The following SYT2 variants were observed in gnomAD, a reference collection of about 807,000 sequenced individuals.
SYT2 encodes the protein synaptotagmin-2.
A neutral mutation model predicts 39.9 loss-of-function variants in SYT2; 15 were observed. That is an observed-to-expected ratio of 0.38 (90% CI 0.25 to 0.58). The LOEUF (loss-of-function observed/expected upper bound fraction) is 0.58. Ranked by LOEUF, SYT2 falls within the 20% of genes least tolerant of loss-of-function variation. SYT2 has a pLI of 0.70. For missense variants in SYT2, 389 were observed against 530.3 expected (o/e 0.73, Z 2.62); for synonymous variants, 181 against 204.5 (o/e 0.89, Z 0.98).
chr1:202,667,726 A>G (rs1465509275), intron 1 of SYT2, among the ~76,000 whole-genome samples: 2 of 151,374 alleles, frequency 1.3e-5, no homozygotes, highest in Non-Finnish European at 2.9e-5. Flanking sequence ...TTATTTATTT[A>G]TTTTGAGATG....
chr1:202,696,776 A>G (rs920899947), intron 1 of SYT2, among the ~76,000 whole-genome samples: 3 of 152,248 alleles, frequency 2.0e-5, no homozygotes, highest in African/African-American at 7.2e-5. Context: ...TAGACGTAAT[A>G]TCATGAATTT....
chr1:202,639,862 T>C, intron 1 of SYT2: 5 of 982,976 alleles, frequency 5.1e-6, no homozygotes, highest in Non-Finnish European at 6.0e-6. Context: ...TGGTGACAAC[T>C]GCAGGACTGT....
chr1:202,612,842 C>T (rs1038352035), intron 1 of SYT2, among the ~76,000 whole-genome samples: 1 of 152,130 alleles, frequency 6.6e-6, no homozygotes, highest in Non-Finnish European at 1.5e-5. Flanking sequence ...CACTATTTTC[C>T]CACTTATTTA....
intron 1 of SYT2, among the ~76,000 whole-genome samples, chr1:202,629,015 A>T (rs1402093938): frequency 6.6e-6 from 1 of 152,206 alleles, no homozygotes; most frequent in African/African-American, 2.4e-5. Flanking sequence ...AAAGCATGGT[A>T]TTATGGCCAT....
At chr1:202,611,160 A>C (rs183014600) in intron 1 of SYT2, among the ~76,000 whole-genome samples, 154 of 152,316 alleles carry the variant, frequency 1.0e-3, no homozygotes, top group Middle Eastern at 3.4e-3. Context: ...TCATGTGCTT[A>C]TGGGCCATTT....
At chr1:202,663,044 C>T (rs1692413641) in intron 1 of SYT2, among the ~76,000 whole-genome samples, 1 of 152,168 alleles carries the variant, frequency 6.6e-6, no homozygotes, top group Non-Finnish European at 1.5e-5. Flanking sequence ...CTTAATCTCT[C>T]TCGGCATCAT....
At chr1:202,644,051 G>T (rs1218690313) in intron 1 of SYT2, among the ~76,000 whole-genome samples, 1 of 152,212 alleles carries the variant, frequency 6.6e-6, no homozygotes, top group African/African-American at 2.4e-5. Context: ...AAGAGAGATG[G>T]AACAAAAGGC....
rs1295070908 is a variant in SYT2, at chr1:202,593,525, T to TA, written c.*3231dup. The TA allele has an allele frequency of 6.6e-6, 1 of 152,206 alleles. No homozygotes were observed. Among genetic ancestry groups the TA allele is most frequent in the Non-Finnish European group, 1.5e-5 (1 of 68,040 alleles). The allele number at this position is 152,206 out of a possible 1,614,324, so 9.4% of individuals were successfully genotyped here. On this transcript the variant is annotated 3_prime_UTR_variant, in exon 9 of 9. Coordinates refer to ENST00000367268, the MANE Select transcript of SYT2 (RefSeq NM_177402.5). ...AAGATCAGGATCTGAGACTGTGGCC[T>TA]AATCCCTGCTATCTCATCCTCTACT...
At chr1:202,648,765 G>A (rs922475936) in intron 1 of SYT2, among the ~76,000 whole-genome samples, 1 of 152,180 alleles carries the variant, frequency 6.6e-6, no homozygotes, top group Non-Finnish European at 1.5e-5. Flanking sequence ...GAGGTTTTTG[G>A]CAGTTGTTGA....
chr1:202,598,962 T>C (rs551945838), intron 8 of SYT2, among the ~76,000 whole-genome samples: 1 of 152,196 alleles, frequency 6.6e-6, no homozygotes, highest in Non-Finnish European at 1.5e-5. Flanking sequence ...TCTGTGTGCA[T>C]GACCATGGTC....
chr1:202,609,246 G>A (rs374077452), intron 1 of SYT2, among the ~76,000 whole-genome samples: 1 of 151,872 alleles, frequency 6.6e-6, no homozygotes, highest in Non-Finnish European at 1.5e-5. Context: ...CATGGTGTAT[G>A]TGTGCCACAT....
chr1:202,608,258 G>A (rs805958), intron 1 of SYT2, among the ~76,000 whole-genome samples: 126,397 of 151,672 alleles, frequency 0.83, 52,855 homozygotes, highest in South Asian at 0.92. Context: ...TTGCCACATA[G>A]TATTCCATTG....
At chr1:202,621,721 C>G (rs567867707) in intron 1 of SYT2, among the ~76,000 whole-genome samples, 6 of 152,306 alleles carry the variant, frequency 3.9e-5, no homozygotes, top group East Asian at 1.9e-4. Flanking sequence ...ACCTGCCCCC[C>G]TCACCCTCAG....
chr1:202,602,321 T>A (rs1374817998), intron 5 of SYT2, 57 bp downstream of exon 5: 35 of 1,550,742 alleles, frequency 2.3e-5, no homozygotes, highest in Non-Finnish European at 3.1e-5. Flanking sequence ...TCTGTAGAAC[T>A]CAGCAGAGAA....
chr1:202,649,220 A>G (rs1692145544), intron 1 of SYT2, among the ~76,000 whole-genome samples: 1 of 152,256 alleles, frequency 6.6e-6, no homozygotes, highest in Non-Finnish European at 1.5e-5. Flanking sequence ...ACCAGCATCA[A>G]GTGGCAGCCC....
chr1:202,641,953 C>T (rs1292693245), intron 1 of SYT2, among the ~76,000 whole-genome samples: 1 of 152,070 alleles, frequency 6.6e-6, no homozygotes, highest in Non-Finnish European at 1.5e-5. Context: ...GGTGTCACAG[C>T]CCTGCTACTT....
At chr1:202,675,757 A>G (rs1653353703) in intron 1 of SYT2, among the ~76,000 whole-genome samples, 1 of 152,194 alleles carries the variant, frequency 6.6e-6, no homozygotes, top group Non-Finnish European at 1.5e-5. Context: ...CCAAGCAGCC[A>G]GGCTAATAAT....
intron 1 of SYT2, among the ~76,000 whole-genome samples, chr1:202,670,015 C>A (rs536082829): frequency 6.6e-6 from 1 of 152,188 alleles, no homozygotes; most frequent in Admixed American, 6.5e-5. Context: ...CACACCCCAA[C>A]ATTCATCAGC....
chr1:202,616,396 G>T (rs1380186445), intron 1 of SYT2, among the ~76,000 whole-genome samples: 1 of 151,992 alleles, frequency 6.6e-6, no homozygotes, highest in African/African-American at 2.4e-5. Context: ...GCTGAGGCTG[G>T]ACCAGTCCAG....
Sources: allele counts gnomAD v4.1 joint callset (sites outside exome capture counted in the v4.1 genomes callset), GRCh38; gene constraint gnomAD v4.1.1; transcripts MANE v1.5; gene names NCBI Gene and HGNC (gene_info 2026-07-23, HGNC 2026-07-21).